Variants in R3HDM2 observed in about 807,000 individuals in gnomAD.
The protein encoded by R3HDM2 is R3H domain-containing protein 2.
R3HDM2 carries 38 observed loss-of-function variants against 124.5 expected under a neutral mutation model. That is an observed-to-expected ratio of 0.31 (90% CI 0.24 to 0.40). The LOEUF (loss-of-function observed/expected upper bound fraction) is 0.40, where lower values mean the gene tolerates loss of function less well. Ranked by LOEUF, R3HDM2 falls within the 10% of genes least tolerant of loss-of-function variation. The probability of loss-of-function intolerance (pLI) is 1.00; values close to 1 mark genes in which losing one functional copy is unlikely to be tolerated. For synonymous variants in R3HDM2, 391 were observed against 448.0 expected (o/e 0.87, Z 1.61); for missense variants, 869 against 1,236.9 (o/e 0.70, Z 4.46).
At chr12:57,381,068 A>T (rs1159567863) in intron 2 of R3HDM2, among the ~76,000 whole-genome samples, 2 of 151,996 alleles carry the variant, frequency 1.3e-5, no homozygotes, top group African/African-American at 4.8e-5. Context: ...CGTTTCTACT[A>T]AAAATGCAAA....
chr12:57,273,955 G>A (rs541934994), intron 14 of R3HDM2, among the ~76,000 whole-genome samples: 3 of 152,172 alleles, frequency 2.0e-5, no homozygotes, highest in Non-Finnish European at 4.4e-5. Context: ...GTGTGACCTG[G>A]AAGAGTTGCT....
In R3HDM2 at chr12:57,295,402, G is replaced by T; in HGVS notation, c.807C>A (p.Asn269Lys). The T allele has an allele frequency of 6.5e-7, 1 of 1,548,204 alleles. No individual in the cohort carries two copies. Among genetic ancestry groups the T allele is most frequent in the Admixed American group, 2.0e-5 (1 of 50,988 alleles). Residue 269 changes from asparagine to lysine, a missense_variant, in exon 10 of 24, where the codon AAC becomes AAA. Transcript: ENST00000402412. ...RDDASMDRDD[N>K]QIRVPLQDGR... ...CCCACCCCTTTCCATTCTTCACCTGGTTATCATCTCGGTCCATACTGGCAT... is the reference window on the plus strand; with the variant it reads ...CCCACCCCTTTCCATTCTTCACCTGTTTATCATCTCGGTCCATACTGGCAT...
chr12:57,384,805 G>A (rs1039632885), intron 2 of R3HDM2, among the ~76,000 whole-genome samples: 27 of 152,042 alleles, frequency 1.8e-4, no homozygotes, highest in Admixed American at 1.7e-3. Context: ...GAATGGCTTA[G>A]AAAAAAAAGA....
At chr12:57,265,748 C>T (rs2042199079) in intron 19 of R3HDM2, among the ~76,000 whole-genome samples, 1 of 151,920 alleles carries the variant, frequency 6.6e-6, no homozygotes, top group South Asian at 2.1e-4. Flanking sequence ...GATTGTTCCC[C>T]TCAGACTCCT....
At chr12:57,417,872 A>G (rs983995995) in intron 1 of R3HDM2, among the ~76,000 whole-genome samples, 5 of 152,170 alleles carry the variant, frequency 3.3e-5, no homozygotes, top group African/African-American at 1.2e-4. Flanking sequence ...CAATCTTAAC[A>G]TTAAAATCCA....
intron 4 of R3HDM2, among the ~76,000 whole-genome samples, chr12:57,301,470 A>C (rs1202511472): frequency 1.3e-5 from 2 of 152,244 alleles, no homozygotes; most frequent in Non-Finnish European, 2.9e-5. Context: ...TAATTCTGTC[A>C]CTTGCTACTG....
At chr12:57,383,668 C>G (rs532188823) in intron 2 of R3HDM2, among the ~76,000 whole-genome samples, 1 of 152,166 alleles carries the variant, frequency 6.6e-6, no homozygotes, top group East Asian at 1.9e-4. Context: ...AGATCATGCA[C>G]TCCAGCCTGG....
intron 2 of R3HDM2, among the ~76,000 whole-genome samples, chr12:57,314,839 TA>T (rs1252457532): frequency 6.6e-6 from 1 of 152,108 alleles, no homozygotes; most frequent in African/African-American, 2.4e-5. Context: ...AAAGGTGATA[TA>T]AAAAATTATA....
chr12:57,425,630 T>C (rs538701510), intron 1 of R3HDM2, among the ~76,000 whole-genome samples: 14 of 151,624 alleles, frequency 9.2e-5, no homozygotes, highest in South Asian at 8.3e-4. Flanking sequence ...TGAAACCCTG[T>C]CTCTACAAAA....
At chr12:57,348,918 A>C (rs2060363564) in intron 2 of R3HDM2, among the ~76,000 whole-genome samples, 1 of 152,148 alleles carries the variant, frequency 6.6e-6, no homozygotes, top group Non-Finnish European at 1.5e-5. Context: ...GAAATCAAGT[A>C]GTATTGGCTG....
Position 57,321,920 on chromosome 12 carries a change from GAAT to G in R3HDM2, c.-35-11460_-35-11458del, listed in dbSNP as rs2056516508. ...TATTTGATGCAGTGGTTACATGGGTGAATACAATTGTCAAAACTCATTAACTAG... is the reference window on the plus strand; with the variant it reads ...TATTTGATGCAGTGGTTACATGGGTGACAATTGTCAAAACTCATTAACTAG... On this transcript the variant is annotated intron_variant, in intron 2 of 23. Transcript: ENST00000402412. Among the ~76,000 whole-genome samples the G allele has an allele frequency of 2.0e-5, 3 of 152,242 alleles. No individual in the cohort carries two copies. In the South Asian group the frequency reaches 6.2e-4, roughly 32 times the overall value.
intron 2 of R3HDM2, among the ~76,000 whole-genome samples, chr12:57,346,776 T>C (rs541669068): frequency 6.6e-6 from 1 of 152,352 alleles, no homozygotes; most frequent in East Asian, 1.9e-4. Flanking sequence ...TCCTATTGAG[T>C]TCCTTAAAAT....
chr12:57,430,489 G>GGCCCCCCCCCCCCCCC, intron 1 of R3HDM2: 2 of 790,576 alleles, frequency 2.5e-6, no homozygotes, highest in Non-Finnish European at 3.1e-6. Flanking sequence ...CCACCCCCCT[G>GGCCCCCCCCCCCCCCC]CCCCCGCACC....
chr12:57,271,128 G>C (rs2043504133), intron 14 of R3HDM2, among the ~76,000 whole-genome samples: 1 of 152,190 alleles, frequency 6.6e-6, no homozygotes, highest in Non-Finnish European at 1.5e-5. Context: ...CTATGCAGCA[G>C]CAAGACTGGG....
rs185664278 is a variant in R3HDM2 at position 57,419,350 on chromosome 12, G to A, written c.-106+11370C>T. ...AGTTGAGACAGGGTTTTATCAGGTT[G>A]GCCAGGCTGGTCTTGAACTCCTGAT... is the stretch of plus-strand genomic sequence containing the variant. On this transcript the variant is annotated intron_variant, in intron 1 of 23. Transcript: ENST00000402412. Among the ~76,000 whole-genome samples the A allele has an allele frequency of 8.4e-4, 128 of 151,736 alleles. 1 individual carries two copies. Among genetic ancestry groups the A allele is most frequent in the Admixed American group, 3.3e-3 (50 of 15,218 alleles).
intron 1 of R3HDM2, among the ~76,000 whole-genome samples, chr12:57,414,486 T>TAAAAAAAA (rs534205889): frequency 4.7e-4 from 31 of 66,580 alleles, no homozygotes; most frequent in South Asian, 1.5e-3. Flanking sequence ...AAGACTCCAT[T>TAAAAAAAA]AAAAAAAAAA....
At chr12:57,430,578 T>G in intron 1 of R3HDM2, 142 bp downstream of exon 1, 1 of 983,526 alleles carries the variant, frequency 1.0e-6, no homozygotes, top group Non-Finnish European at 1.2e-6. Context: ...CATCCGACCC[T>G]GACCCATCGT....
intron 2 of R3HDM2, among the ~76,000 whole-genome samples, chr12:57,350,227 A>AAAAAT (rs755233175): frequency 1.3e-5 from 2 of 152,102 alleles, no homozygotes; most frequent in Non-Finnish European, 2.9e-5. Context: ...TTAATAAAAT[A>AAAAAT]AAAATAAAAT....
chr12:57,396,795 G>C (rs1345418894), intron 1 of R3HDM2, among the ~76,000 whole-genome samples: 1 of 128,930 alleles, frequency 7.8e-6, no homozygotes, highest in Admixed American at 8.0e-5. Context: ...AAAAAAAAAA[G>C]AGTAGTCTAG....
Sources: gnomAD v4.1 joint callset for allele counts (sites outside exome capture counted in the v4.1 genomes callset) on GRCh38, gnomAD v4.1.1 for gene constraint, MANE v1.5 for transcripts, NCBI Gene and HGNC (gene_info 2026-07-23, HGNC 2026-07-21) for gene names.